The following PTCHD1 variants were observed in gnomAD, a reference collection of about 807,000 sequenced individuals.
PTCHD1 encodes patched domain-containing protein 1.
A neutral mutation model predicts 34.6 loss-of-function variants in PTCHD1; 3 were observed. That is an observed-to-expected ratio of 0.09 (90% CI 0.04 to 0.22). The LOEUF is 0.22. Among genes scored for constraint, PTCHD1 ranks in the 10% least tolerant of loss-of-function variants. PTCHD1 has a pLI of 1.00. For missense variants in PTCHD1, 504 were observed against 685.5 expected (o/e 0.74, Z 2.96); for synonymous variants, 305 against 283.1 (o/e 1.08, Z -0.77).
At chrX:23,384,077 G>A (rs994425767) in intron 2 of PTCHD1, among the ~76,000 whole-genome samples, 4 of 112,203 alleles carry the variant, frequency 3.6e-5, no homozygotes, top group African/African-American at 1.3e-4. Flanking sequence ...TCAGGAAAGG[G>A]ATAGAATGTT....
chrX:23,382,439 T>C (rs757695994), intron 2 of PTCHD1, among the ~76,000 whole-genome samples: 9 of 112,622 alleles, frequency 8.0e-5, no homozygotes, highest in Non-Finnish European at 1.1e-4. Flanking sequence ...TTTTAAATAT[T>C]GTAAGGCAAA....
chrX:23,378,726 G>A (rs1193339629), intron 1 of PTCHD1, among the ~76,000 whole-genome samples: 3 of 112,142 alleles, frequency 2.7e-5, no homozygotes, highest in Admixed American at 9.4e-5. Context: ...TTGCTGCAAG[G>A]ATTAAATGAG....
Position 23,399,080 on chromosome X carries a change from G to A in PTCHD1, c.*4895G>A, listed in dbSNP as rs1923061732. 1 of 111,505 alleles carries A rather than the reference G, an allele frequency of 9.0e-6. No individual in the cohort carries two copies. Among genetic ancestry groups the A allele is most frequent in the Non-Finnish European group, 1.9e-5 (1 of 53,201 alleles). The allele number at this position is 111,505 out of a possible 1,213,427, so 9.2% of individuals were successfully genotyped here. A position where few individuals can be genotyped will look rare whatever the true frequency, so the allele number is the denominator to read the frequency against. On this transcript the variant is annotated 3_prime_UTR_variant, in exon 3 of 3. Transcript: ENST00000379361. ...AGAAAACCAGCAGAGAAAGCTTGGTGGAAGAAGTGATGTTCTTGTGGAATG... is the reference window on the plus strand; with the variant it reads ...AGAAAACCAGCAGAGAAAGCTTGGTAGAAGAAGTGATGTTCTTGTGGAATG...
intron 1 of PTCHD1, among the ~76,000 whole-genome samples, chrX:23,359,205 G>A (rs1458382344): frequency 8.9e-6 from 1 of 112,344 alleles, no homozygotes; most frequent in Non-Finnish European, 1.9e-5. Context: ...GTAGCTTGAT[G>A]GGGATGGCAT....
chrX:23,366,788 G>T (rs930448044), intron 1 of PTCHD1, among the ~76,000 whole-genome samples: 1 of 111,223 alleles, frequency 9.0e-6, no homozygotes, highest in Admixed American at 9.6e-5. Flanking sequence ...TGCTCACATG[G>T]CTTCAGGTAA....
At chrX:23,337,697 C>A (rs1601899869) in intron 1 of PTCHD1, among the ~76,000 whole-genome samples, 1 of 111,187 alleles carries the variant, frequency 9.0e-6, no homozygotes, top group African/African-American at 3.3e-5. Flanking sequence ...CTGCCCCCTG[C>A]CGGTTTTATG....
At chrX:23,342,016 G>A (rs1921322740) in intron 1 of PTCHD1, among the ~76,000 whole-genome samples, 1 of 109,282 alleles carries the variant, frequency 9.2e-6, no homozygotes, top group Admixed American at 9.9e-5. Context: ...GGCTGATAGG[G>A]GAGTGGGGAA....
At chrX:23,352,106 G>C (rs1220569440) in intron 1 of PTCHD1, among the ~76,000 whole-genome samples, 1 of 112,078 alleles carries the variant, frequency 8.9e-6, no homozygotes, top group Non-Finnish European at 1.9e-5. Context: ...ACCTTAAAAA[G>C]AGAGAGAGCC....
rs756178284 is a variant in PTCHD1, at chrX:23,388,482, C to T, written c.1013-4049C>T. 7.1e-5 allele frequency among the ~76,000 whole-genome samples: 8 copies of T among 112,280 alleles called. No individual in the cohort carries two copies. The East Asian group carries it at 1.1e-3, about 16-fold the overall frequency. On this transcript the variant is annotated intron_variant, in intron 2 of 2. Transcript: ENST00000379361. ...TCCACATGCAATATCTGTTTGCCTA[C>T]GTCTGTAAGATTTGGCGTCAGAGTT...
At chrX:23,374,280 C>CAAAAAA (rs752214252) in intron 1 of PTCHD1, among the ~76,000 whole-genome samples, 5 of 24,540 alleles carry the variant, frequency 2.0e-4, no homozygotes, top group Admixed American at 9.6e-4. Flanking sequence ...GAAACAAATA[C>CAAAAAA]AAAAAAAAAA....
At position 23,335,025 on chromosome X, in the gene PTCHD1, G is replaced by A; in HGVS notation, c.150G>A (p.Glu50=). Residue 50 remains glutamate (E), a synonymous_variant, in exon 1 of 3, where the codon GAG becomes GAA. Transcript: ENST00000379361. Reference sequence around the variant, plus strand: ...GCTTCAGCCGCTACCAGGTCGAGGAGAGCGTGGAGCACCTGCTGGCGCCCC... The same window carrying A: ...GCTTCAGCCGCTACCAGGTCGAGGAAAGCGTGGAGCACCTGCTGGCGCCCC... ...GASFSRYQVE[E]SVEHLLAPQH... is the part of the protein sequence containing the mutation. 1 of 1,211,397 alleles carries A rather than the reference G, an allele frequency of 8.3e-7. No individual in the cohort carries two copies. The highest frequency in any genetic ancestry group is 1.1e-6 in the Non-Finnish European group (1 of 895,282).
At chrX:23,368,451 A>G (rs1032209578) in intron 1 of PTCHD1, among the ~76,000 whole-genome samples, 1 of 112,076 alleles carries the variant, frequency 8.9e-6, no homozygotes, top group African/African-American at 3.2e-5. Flanking sequence ...GAGAAATATA[A>G]ATCAGCAAGA....
chrX:23,386,752 G>A (rs762836056), intron 2 of PTCHD1, among the ~76,000 whole-genome samples: 2 of 112,725 alleles, frequency 1.8e-5, no homozygotes, highest in Admixed American at 1.9e-4. Context: ...TTTTTGAGAC[G>A]AATGTAGTAA....
chrX:23,361,418 T>G (rs6653678), intron 1 of PTCHD1, among the ~76,000 whole-genome samples: 50,679 of 110,121 alleles, frequency 0.46, 8,970 homozygotes, highest in Non-Finnish European at 0.51. Flanking sequence ...CTTCTTTGTC[T>G]CTTTTGATCT....
In PTCHD1 at chrX:23,335,592, C is replaced by T. The variant is rs778075602; in HGVS notation, c.351+366C>T. Among the ~76,000 whole-genome samples the T allele has an allele frequency of 1.2e-4, 14 of 112,869 alleles. No individual in the cohort carries two copies. In the East Asian group the frequency reaches 3.9e-3, roughly 32 times the overall value. ...AAGGAGCAGAACGAGAGAAGACATTCTGGAAAGTCCTACTACTTGAGAACA... is the reference window on the plus strand; with the variant it reads ...AAGGAGCAGAACGAGAGAAGACATTTTGGAAAGTCCTACTACTTGAGAACA... On this transcript the variant is annotated intron_variant, in intron 1 of 2. Coordinates refer to ENST00000379361, the MANE Select transcript of PTCHD1 (RefSeq NM_173495.3).
chrX:23,391,937 G>C (rs962053987), intron 2 of PTCHD1, among the ~76,000 whole-genome samples: 2 of 110,763 alleles, frequency 1.8e-5, no homozygotes, highest in Admixed American at 1.9e-4. Context: ...GCTCACTGCA[G>C]CCTCCAACTC....
At chrX:23,360,961 G>C (rs761027695) in intron 1 of PTCHD1, among the ~76,000 whole-genome samples, 1 of 112,235 alleles carries the variant, frequency 8.9e-6, no homozygotes, top group South Asian at 3.7e-4. Flanking sequence ...GCGTGGTTTT[G>C]AGTGAGTTTC....
At chrX:23,343,880 A>T (rs1921408045) in intron 1 of PTCHD1, among the ~76,000 whole-genome samples, 1 of 112,546 alleles carries the variant, frequency 8.9e-6, no homozygotes, top group African/African-American at 3.2e-5. Flanking sequence ...TAAATGCTCA[A>T]GAACATTTTG....
In PTCHD1 at chrX:23,393,175, A is replaced by G; in HGVS notation, c.1657A>G (p.Ser553Gly). Residue 553 changes from serine (S) to glycine (G), a missense_variant, in exon 3 of 3, where the codon AGT becomes GGT. By Grantham distance (56) the Ser-to-Gly change is moderately conservative. Coordinates refer to ENST00000379361, the MANE Select transcript of PTCHD1 (RefSeq NM_173495.3). ...CCAGCAAAAGTACTTCAGCAACTAC[A>G]GTCCTGTGATTGGGTTTTACATATA... Reference protein sequence around the residue: ...TAQQKYFSNYSPVIGFYIYES... With the variant: ...TAQQKYFSNYGPVIGFYIYES... The G allele has an allele frequency of 8.3e-7, 1 of 1,211,712 alleles. No homozygotes were observed. Among genetic ancestry groups the G allele is most frequent in the Non-Finnish European group, 1.1e-6 (1 of 895,259 alleles).
Sources: allele counts gnomAD v4.1 joint callset (sites outside exome capture counted in the v4.1 genomes callset), GRCh38; gene constraint gnomAD v4.1.1; transcripts MANE v1.5; gene names NCBI Gene and HGNC (gene_info 2026-07-23, HGNC 2026-07-21).